CCDC88A: variants seen among roughly 807,000 people sequenced by gnomAD.
CCDC88A encodes girdin.
A neutral mutation model predicts 234.3 loss-of-function variants in CCDC88A; 54 were observed. The observed-to-expected ratio is 0.23, with a 90% CI of 0.19 to 0.29. The LOEUF is 0.29. Ranked by LOEUF, CCDC88A falls within the 10% of genes least tolerant of loss-of-function variation. The pLI, the probability that CCDC88A is intolerant of heterozygous loss-of-function variation, is 1.00. For missense variants in CCDC88A, 1,832 were observed against 2,123.4 expected (o/e 0.86, Z 2.70); for synonymous variants, 753 against 737.8 (o/e 1.02, Z -0.33).
At chr2:55,296,587 A>G in intron 29 of CCDC88A, 64 bp from the exon 30 acceptor site, 1 of 1,476,554 alleles carries the variant, frequency 6.8e-7, no homozygotes, top group Non-Finnish European at 9.2e-7. Flanking sequence ...TTCATGAGTA[A>G]TAACATTTGT....
chr2:55,291,792 T>A lies in CCDC88A; in HGVS notation c.5552-17A>T. On this transcript the variant is annotated splice_polypyrimidine_tract_variant and intron_variant, in intron 31 of 32. Coordinates refer to ENST00000436346, the MANE Select transcript of CCDC88A (RefSeq NM_001365480.1). ...TGTCCACATCTGCAGGAGAAAAGCA[T>A]TTCATGTTATTTAGTCAAAGATGAA... 1 of 1,592,112 alleles carries A rather than the reference T, an allele frequency of 6.3e-7. No individual in the cohort carries two copies. Among genetic ancestry groups the A allele is most frequent in the African/African-American group, 1.3e-5 (1 of 74,350 alleles).
Position 55,289,837 on chromosome 2 carries a change from C to T in CCDC88A, c.*1363G>A, listed in dbSNP as rs1679325566. The T allele has an allele frequency of 6.6e-6, 1 of 151,772 alleles. No homozygotes were observed. Among genetic ancestry groups the T allele is most frequent in the African/African-American group, 2.4e-5 (1 of 41,292 alleles). The allele number at this position is 151,772 out of a possible 1,614,324, so 9.4% of individuals were successfully genotyped here. Reference sequence around the variant, plus strand: ...TATGGTTACTGGGTTAGTGATGAAACCCACAACTCATAAACCACACACTAT... The same window carrying T: ...TATGGTTACTGGGTTAGTGATGAAATCCACAACTCATAAACCACACACTAT... On this transcript the variant is annotated 3_prime_UTR_variant, in exon 33 of 33. Coordinates refer to ENST00000436346, the MANE Select transcript of CCDC88A (RefSeq NM_001365480.1).
intron 18 of CCDC88A, among the ~76,000 whole-genome samples, chr2:55,319,799 T>C (rs1683399320): frequency 6.6e-6 from 1 of 151,984 alleles, no homozygotes; most frequent in Admixed American, 6.6e-5. Flanking sequence ...TTAAACTTCA[T>C]AAAAAATCAA....
At chr2:55,310,720 T>C (rs903198001) in intron 23 of CCDC88A, among the ~76,000 whole-genome samples, 9 of 152,224 alleles carry the variant, frequency 5.9e-5, no homozygotes, top group Non-Finnish European at 1.2e-4. Context: ...TGTGAACAGA[T>C]GTTGCCAACA....
At position 55,362,367 on chromosome 2, in the gene CCDC88A, A is replaced by G. The variant is rs765935115; in HGVS notation, c.568T>C (p.Leu190=). 6.3e-7 allele frequency: 1 copy of G among 1,596,446 alleles called. No homozygotes were observed. The highest frequency in any genetic ancestry group is 1.1e-5 in the South Asian group (1 of 88,176). ...DMSQEDIEPL[L]KNMALHLKRL... is the part of the protein sequence containing the mutation. Reference sequence around the variant, plus strand: ...TTTAGATGCAATGCCATATTTTTCAAGAGTGGTTCTATGTCCTCCTGCGAC... The same window carrying G: ...TTTAGATGCAATGCCATATTTTTCAGGAGTGGTTCTATGTCCTCCTGCGAC... The change falls in exon 7 of 33, where the codon TTG becomes CTG. Residue 190 remains leucine (L), a synonymous_variant. Coordinates refer to ENST00000436346, the MANE Select transcript of CCDC88A (RefSeq NM_001365480.1).
intron 4 of CCDC88A, 62 bp downstream of exon 4, chr2:55,374,752 T>C: frequency 5.0e-6 from 5 of 1,000,654 alleles, no homozygotes; most frequent in Non-Finnish European, 7.7e-6. Flanking sequence ...TAGTAAAAAA[T>C]AAACATCATA....
At chr2:55,305,697 T>C (rs1037984000) in intron 25 of CCDC88A, among the ~76,000 whole-genome samples, 1 of 152,026 alleles carries the variant, frequency 6.6e-6, no homozygotes, top group African/African-American at 2.4e-5. Context: ...AACAATTAAA[T>C]AAAATAACAA....
At chr2:55,308,579 T>A (rs1220220640) in intron 25 of CCDC88A, 8 of 448,680 alleles carry the variant, frequency 1.8e-5, no homozygotes, top group South Asian at 7.1e-5. Flanking sequence ...ATTTTAACTT[T>A]CTTTCTGCAA....
At chr2:55,399,241 T>C (rs1395737778) in intron 2 of CCDC88A, among the ~76,000 whole-genome samples, 1 of 151,846 alleles carries the variant, frequency 6.6e-6, no homozygotes, top group Non-Finnish European at 1.5e-5. Context: ...TTTAAAAAAG[T>C]TTAAAAAGCT....
At chr2:55,389,622 T>C (rs977912033) in intron 2 of CCDC88A, among the ~76,000 whole-genome samples, 4 of 152,332 alleles carry the variant, frequency 2.6e-5, no homozygotes, top group Admixed American at 2.0e-4. Context: ...GATTAGAATC[T>C]ATGGTGCTTT....
chr2:55,367,525 C>CTTTTTTTTTTTTTTTTTTTTTTTTTTTTT (rs1262914627), intron 5 of CCDC88A, among the ~76,000 whole-genome samples: 25 of 33,564 alleles, frequency 7.4e-4, no homozygotes, highest in African/African-American at 1.2e-3. Flanking sequence ...GTTTTATTTC[C>CTTTTTTTTTTTTTTTTTTTTTTTTTTTTT]TTGTTTTTTT....
At chr2:55,351,073 C>T (rs1669812092) in intron 8 of CCDC88A, among the ~76,000 whole-genome samples, 1 of 152,256 alleles carries the variant, frequency 6.6e-6, no homozygotes, top group Admixed American at 6.5e-5. Flanking sequence ...CATTACTATA[C>T]ATAAAATCCT....
In CCDC88A at chr2:55,373,915, T is replaced by C. The variant is rs76254564; in HGVS notation, c.343+899A>G. ...GTAGACTGTAAGGATAAGCCCATTG[T>C]TGAAACTGTTAGGTAGCTGCTAATT... On this transcript the variant is annotated intron_variant, in intron 4 of 32. Transcript: ENST00000436346. Among the ~76,000 whole-genome samples, 855 of 152,316 alleles carry C rather than the reference T, an allele frequency of 5.6e-3. 7 individuals carry two copies. The highest frequency in any genetic ancestry group is 9.9e-3 in the Non-Finnish European group (673 of 68,018).
intron 29 of CCDC88A, among the ~76,000 whole-genome samples, chr2:55,298,890 A>C (rs945116446): frequency 1.7e-4 from 25 of 148,722 alleles, no homozygotes; most frequent in African/African-American, 6.1e-4. Flanking sequence ...AAAAAAAAAA[A>C]AAACACAAAA....
intron 2 of CCDC88A, among the ~76,000 whole-genome samples, chr2:55,414,774 T>C (rs1401552501): frequency 1.3e-5 from 2 of 152,038 alleles, no homozygotes; most frequent in Non-Finnish European, 1.5e-5. Context: ...ACTTATATAA[T>C]AAGGTTCCTG....
At chr2:55,336,448 T>C (rs1220729323) in intron 14 of CCDC88A, among the ~76,000 whole-genome samples, 2 of 152,060 alleles carry the variant, frequency 1.3e-5, no homozygotes, top group Admixed American at 6.6e-5. Context: ...CAAATGCTTA[T>C]ACTAGATGAT....
intron 3 of CCDC88A, among the ~76,000 whole-genome samples, chr2:55,384,336 A>AC (rs1263022270): frequency 6.6e-6 from 1 of 150,910 alleles, no homozygotes; most frequent in Non-Finnish European, 1.5e-5. Flanking sequence ...AAAAAAAAAA[A>AC]AATCCAGAAG....
chr2:55,348,550 G>A (rs554766719), intron 9 of CCDC88A: 1 of 152,210 alleles, frequency 6.6e-6, no homozygotes, highest in East Asian at 1.9e-4. Context: ...TGGGATTACT[G>A]ACGTGAGCCA....
intron 15 of CCDC88A, among the ~76,000 whole-genome samples, chr2:55,333,790 C>T (rs1209982273): frequency 6.6e-6 from 1 of 151,936 alleles, no homozygotes; most frequent in African/African-American, 2.4e-5. Flanking sequence ...CTTTATTATA[C>T]TTAGAATTTA....
Sources: gnomAD v4.1 joint callset for allele counts (sites outside exome capture counted in the v4.1 genomes callset) on GRCh38, gnomAD v4.1.1 for gene constraint, MANE v1.5 for transcripts, NCBI Gene and HGNC (gene_info 2026-07-23, HGNC 2026-07-21) for gene names.